ZDHHC21: variants seen among roughly 807,000 people sequenced by gnomAD.
ZDHHC21 encodes the protein zDHHC palmitoyltransferase 21.
In ZDHHC21, 15 loss-of-function variants were observed where a neutral mutation model predicts 34.6. That is an observed-to-expected ratio of 0.43 (90% CI 0.29 to 0.67). ZDHHC21 has a LOEUF of 0.67. Among genes scored for constraint, ZDHHC21 ranks in the 30% least tolerant of loss-of-function variants. The probability of loss-of-function intolerance (pLI) is 0.14; values close to 1 mark genes in which losing one functional copy is unlikely to be tolerated. For missense variants in ZDHHC21, 344 were observed against 327.7 expected (o/e 1.05, Z -0.38); for synonymous variants, 142 against 101.8 (o/e 1.40, Z -2.38).
At chr9:14,629,814 C>T (rs1044416122) in intron 8 of ZDHHC21, among the ~76,000 whole-genome samples, 1 of 151,904 alleles carries the variant, frequency 6.6e-6, no homozygotes, top group African/African-American at 2.4e-5. Context: ...TTTGGAAGGC[C>T]GAGGCAGGTG....
chr9:14,606,073 C>G (rs1823006848), downstream of ZDHHC21, among the ~76,000 whole-genome samples: 1 of 152,064 alleles, frequency 6.6e-6, no homozygotes, highest in Admixed American at 6.6e-5. Flanking sequence ...TAATAAAACC[C>G]AGAAGTCATA....
chr9:14,631,096 C>T (rs929921088), intron 8 of ZDHHC21, among the ~76,000 whole-genome samples: 19 of 152,192 alleles, frequency 1.2e-4, no homozygotes, highest in African/African-American at 4.3e-4. Context: ...TCCTCTGTAG[C>T]CACAGAAGTC....
chr9:14,635,014 A>G (rs1192809804), intron 8 of ZDHHC21, among the ~76,000 whole-genome samples: 1 of 152,138 alleles, frequency 6.6e-6, no homozygotes, highest in Non-Finnish European at 1.5e-5. Flanking sequence ...AAACAAACTG[A>G]AGAATTCATT....
chr9:14,595,486 G>T, the ZDHHC21 span, among the ~76,000 whole-genome samples: 1 of 152,138 alleles, frequency 6.6e-6, no homozygotes, highest in Non-Finnish European at 1.5e-5. Context: ...ATTAGTGGTT[G>T]CCAGAGTCCA....
intron 6 of ZDHHC21, among the ~76,000 whole-genome samples, chr9:14,660,154 T>C (rs1444545828): frequency 6.6e-6 from 1 of 151,522 alleles, no homozygotes; most frequent in African/African-American, 2.4e-5. Flanking sequence ...TCACCTGAGG[T>C]TGGGAGTTTG....
rs1823269498 is a variant in ZDHHC21 at position 14,611,347 on chromosome 9, C to A, written c.*7619G>T. On this transcript the variant is annotated 3_prime_UTR_variant, in exon 10 of 10. Coordinates refer to ENST00000380916, the MANE Select transcript of ZDHHC21 (RefSeq NM_178566.6). ...CATGGTTCCCACTTGTCATTTCACC[C>A]ATTTTACTCACTCTTCTCAAACTAT... is the stretch of plus-strand genomic sequence containing the variant. 6.6e-6 allele frequency: 1 copy of A among 151,936 alleles called. No homozygotes were observed. The highest frequency in any genetic ancestry group is 1.5e-5 in the Non-Finnish European group (1 of 67,898). 9.4% of individuals were successfully genotyped at this position (151,936 alleles called of 1,614,324 possible). A position where few individuals can be genotyped will look rare whatever the true frequency, so the allele number is the denominator to read the frequency against.
intron 4 of ZDHHC21, 84 bp from the exon 5 acceptor site, chr9:14,673,012 T>C: frequency 9.3e-6 from 8 of 859,182 alleles, no homozygotes; most frequent in Non-Finnish European, 1.2e-5. Flanking sequence ...TTAAAATGTA[T>C]ATTTTAACAA....
At position 14,613,282 on chromosome 9, in the gene ZDHHC21, G is replaced by A. The variant is rs1209581000; in HGVS notation, c.*5684C>T. On this transcript the variant is annotated 3_prime_UTR_variant, in exon 10 of 10. Transcript: ENST00000380916. Reference sequence around the variant, plus strand: ...CACAACGATGTGAGAAGAAAACTCAGTCAACCAAAAAGAAAATTAACTCTT... The same window carrying A: ...CACAACGATGTGAGAAGAAAACTCAATCAACCAAAAAGAAAATTAACTCTT... 6.6e-6 allele frequency: 1 copy of A among 151,774 alleles called. No individual in the cohort carries two copies. The highest frequency in any genetic ancestry group is 2.4e-5 in the African/African-American group (1 of 41,378). The allele number at this position is 151,774 out of a possible 1,614,324, so 9.4% of individuals were successfully genotyped here.
At chr9:14,662,423 C>T (rs982182807) in intron 5 of ZDHHC21, 97 bp from the exon 6 acceptor site, 5 of 845,048 alleles carry the variant, frequency 5.9e-6, no homozygotes, top group African/African-American at 1.7e-5. Flanking sequence ...AAGCCTTCAA[C>T]ATAAAACTCT....
At chr9:14,674,034 A>G (rs889348724) in intron 4 of ZDHHC21, among the ~76,000 whole-genome samples, 153 bp downstream of exon 4, 12 of 152,176 alleles carry the variant, frequency 7.9e-5, no homozygotes, top group Admixed American at 2.6e-4. Flanking sequence ...CATTATTTCC[A>G]TAAGTTCATA....
chr9:14,644,346 C>A (rs775192865), intron 7 of ZDHHC21, among the ~76,000 whole-genome samples: 42 of 152,026 alleles, frequency 2.8e-4, no homozygotes, highest in African/African-American at 9.2e-4. Flanking sequence ...GCAGTTGTAC[C>A]TTTTCTTTCT....
intron 7 of ZDHHC21, among the ~76,000 whole-genome samples, chr9:14,640,306 G>T: frequency 2.5e-5 from 1 of 40,126 alleles, no homozygotes. Context: ...ACCTATTTTG[G>T]GGAAAAAAAA....
chr9:14,638,941 T>C (rs954948402), intron 8 of ZDHHC21, among the ~76,000 whole-genome samples: 6 of 151,920 alleles, frequency 3.9e-5, no homozygotes, highest in Non-Finnish European at 8.8e-5. Flanking sequence ...AGGAAAAGAA[T>C]ACTGAGAATT....
At chr9:14,619,579 CA>C (rs1824903117) in intron 9 of ZDHHC21, 59 bp downstream of exon 9, 2 of 1,232,592 alleles carry the variant, frequency 1.6e-6, no homozygotes, top group South Asian at 1.3e-5. Flanking sequence ...ACATATTTCT[CA>C]AGTATGTCCA....
chr9:14,643,856 G>A (rs1375162616), intron 7 of ZDHHC21, among the ~76,000 whole-genome samples: 1 of 152,022 alleles, frequency 6.6e-6, no homozygotes, highest in Non-Finnish European at 1.5e-5. Flanking sequence ...TTGTTCCCTT[G>A]GTTTGTTTAT....
intron 3 of ZDHHC21, among the ~76,000 whole-genome samples, chr9:14,678,536 G>C (rs998327568): frequency 2.6e-5 from 4 of 151,878 alleles, no homozygotes; most frequent in Non-Finnish European, 5.9e-5. Context: ...ATGTTAAGAG[G>C]GCACAGAAAA....
At position 14,617,076 on chromosome 9, in the gene ZDHHC21, C is replaced by T. The variant is rs1002855493; in HGVS notation, c.*1890G>A. On this transcript the variant is annotated 3_prime_UTR_variant, in exon 10 of 10. Transcript: ENST00000380916. ...TGAAAGGAATGTATACAATATAAGG[C>T]ATTCAACTGATATCTACCTACCTTA... 1.3e-5 allele frequency: 2 copies of T among 150,488 alleles called. No individual in the cohort carries two copies. Among genetic ancestry groups the T allele is most frequent in the Non-Finnish European group, 3.0e-5 (2 of 67,386 alleles). The allele number at this position is 150,488 out of a possible 1,614,324, so 9.3% of individuals were successfully genotyped here.
intron 8 of ZDHHC21, among the ~76,000 whole-genome samples, chr9:14,634,352 T>C (rs1827894937): frequency 6.6e-6 from 1 of 152,160 alleles, no homozygotes; most frequent in Non-Finnish European, 1.5e-5. Context: ...CCTGGCGCAT[T>C]GCTGCCACTA....
the ZDHHC21 span, among the ~76,000 whole-genome samples, chr9:14,596,592 G>C: frequency 6.6e-6 from 1 of 152,258 alleles, no homozygotes; most frequent in African/African-American, 2.4e-5. Context: ...GCAGAGAAAA[G>C]ATGAAAACTA....
Sources: allele counts gnomAD v4.1 joint callset (sites outside exome capture counted in the v4.1 genomes callset), GRCh38; gene constraint gnomAD v4.1.1; transcripts MANE v1.5; gene names NCBI Gene and HGNC (gene_info 2026-07-23, HGNC 2026-07-21).